The following DENND2D variants were observed in gnomAD, a reference collection of about 807,000 sequenced individuals.
DENND2D encodes the protein DENN domain containing 2D.
DENND2D carries 37 observed loss-of-function variants against 59.8 expected under a neutral mutation model. The observed-to-expected ratio is 0.62, with a 90% CI of 0.48 to 0.81. The LOEUF (loss-of-function observed/expected upper bound fraction) is 0.81, where lower values mean the gene tolerates loss of function less well. Ranked by LOEUF, DENND2D falls within the 40% of genes least tolerant of loss-of-function variation. The probability of loss-of-function intolerance (pLI) is 0.00; values close to 1 mark genes in which losing one functional copy is unlikely to be tolerated. For synonymous variants in DENND2D, 219 were observed against 211.3 expected (o/e 1.04, Z -0.31); for missense variants, 525 against 579.7 (o/e 0.91, Z 0.97).
At chr1:111,201,403 C>T (rs913259608), upstream of DENND2D, 2 of 152,216 alleles carry the variant, frequency 1.3e-5, no homozygotes, top group African/African-American at 2.4e-5. Flanking sequence ...ACTGATTGCA[C>T]CAGCAGCCTG....
chr1:111,200,739 G>A, upstream of DENND2D: 1 of 1,240,006 alleles, frequency 8.1e-7, no homozygotes, highest in Non-Finnish European at 1.0e-6. Flanking sequence ...AGAGCCCCAG[G>A]GTGTGGCGAG....
chr1:111,187,805 C>G (rs1241477970), intron 11 of DENND2D, 124 bp from the exon 12 acceptor site: 2 of 840,622 alleles, frequency 2.4e-6, no homozygotes, highest in East Asian at 2.6e-5. Flanking sequence ...CAGGATGTCT[C>G]TGGCCTCACA....
Position 111,200,280 on chromosome 1 carries a change from C to T in DENND2D, c.67+113G>A, listed in dbSNP as rs541574688. On this transcript the variant is annotated intron_variant, in intron 1 of 11. Transcript: ENST00000357640. ...CCTCCTGACCCAGTCACATGGGGAA[C>T]CATGTGGAGGCCGAGATATAAAGGA... The T allele has an allele frequency of 1.5e-5, 22 of 1,429,782 alleles. No homozygotes were observed. In the African/African-American group the frequency reaches 3.0e-4, roughly 19 times the overall value. 88.6% of individuals were successfully genotyped at this position (1,429,782 alleles called of 1,614,324 possible).
At chr1:111,197,690 CAGAG>C (rs1294942307) in intron 4 of DENND2D, 10 of 1,398,420 alleles carry the variant, frequency 7.2e-6, no homozygotes, top group Non-Finnish European at 9.3e-6. Context: ...TATTGAAAGC[CAGAG>C]AGAGCACAGA....
chr1:111,192,061 C>T (rs930014875), intron 8 of DENND2D, 79 bp downstream of exon 8: 5 of 1,333,730 alleles, frequency 3.7e-6, no homozygotes, highest in Admixed American at 5.4e-5. Flanking sequence ...CCTAATCACA[C>T]AGCTGTAAGC....
intron 6 of DENND2D, chr1:111,195,462 C>T (rs1276174775): frequency 5.9e-6 from 1 of 169,908 alleles, no homozygotes; most frequent in Admixed American, 5.6e-5. Flanking sequence ...TACCTGCTGC[C>T]TCAGTGTGCT....
chr1:111,189,067 C>T lies in DENND2D; in HGVS notation c.1014+145G>A, dbSNP rs985391460. On this transcript the variant is annotated intron_variant, in intron 9 of 11. Coordinates refer to ENST00000357640, the MANE Select transcript of DENND2D (RefSeq NM_024901.5). ...AGTCATCTGTGTTTATGTCCATGGG[C>T]TCCTTGAGAGAGATGTGGTCTTTTT... is the stretch of plus-strand genomic sequence containing the variant. 4 of 917,220 alleles carry T rather than the reference C, an allele frequency of 4.4e-6. No homozygotes were observed. The African/African-American group carries it at 5.0e-5, about 11-fold the overall frequency. The allele number at this position is 917,220 out of a possible 1,614,324, so 56.8% of individuals were successfully genotyped here.
upstream of DENND2D, chr1:111,204,217 C>A (rs1347123963): frequency 7.3e-7 from 1 of 1,377,838 alleles, no homozygotes; most frequent in South Asian, 1.6e-5. Flanking sequence ...CGCCCTCCAC[C>A]GGGCCCCAGC....
chr1:111,186,599 A>G lies in DENND2D; in HGVS notation c.*1006T>C, dbSNP rs1174722585. ...GTAGAAAGTATCAGTAGAGGTATCA[A>G]GGGAGGAGAGACTAGGTGACCACTA... is the stretch of plus-strand genomic sequence containing the variant. On this transcript the variant is annotated 3_prime_UTR_variant, in exon 12 of 12. Coordinates refer to ENST00000357640, the MANE Select transcript of DENND2D (RefSeq NM_024901.5). 6.6e-6 allele frequency among the ~76,000 whole-genome samples: 1 copy of G among 152,240 alleles called. No homozygotes were observed. Among genetic ancestry groups the G allele is most frequent in the East Asian group, 1.9e-4 (1 of 5,204 alleles).
At chr1:111,195,113 T>A (rs1185441240) in intron 6 of DENND2D, 1 of 188,936 alleles carries the variant, frequency 5.3e-6, no homozygotes, top group East Asian at 1.4e-4. Flanking sequence ...ATGTGATACT[T>A]TCCCATCTTC....
intron 2 of DENND2D, among the ~76,000 whole-genome samples, chr1:111,199,022 G>A (rs752873208): frequency 1.3e-5 from 2 of 152,222 alleles, no homozygotes; most frequent in Non-Finnish European, 2.9e-5. Context: ...AAGGGGACAG[G>A]GCCATGTTGA....
intron 6 of DENND2D, 124 bp downstream of exon 6, chr1:111,195,792 C>A: frequency 7.2e-7 from 1 of 1,393,588 alleles, no homozygotes; most frequent in South Asian, 1.2e-5. Context: ...TAACCAAGTC[C>A]CAGTCCCCAT....
intron 4 of DENND2D, chr1:111,197,483 C>T (rs1273247044): frequency 1.8e-5 from 25 of 1,412,968 alleles, no homozygotes; most frequent in African/African-American, 2.9e-5. Flanking sequence ...AATCTGGGGT[C>T]AGCAAAGAGG....
upstream of DENND2D, chr1:111,204,337 C>A: frequency 1.4e-6 from 2 of 1,480,060 alleles, no homozygotes; most frequent in African/African-American, 1.5e-5. Flanking sequence ...TCGAAGGCGG[C>A]GGCCGAGCCC....
chr1:111,200,478 G>C lies in DENND2D; in HGVS notation c.-19C>G, dbSNP rs774760840. Reference sequence around the variant, plus strand: ...CTTCCATCTCTGGGCCTTCAGGACAGAGCGGACTCCCCTCTCCCCTAACAC... The same window carrying C: ...CTTCCATCTCTGGGCCTTCAGGACACAGCGGACTCCCCTCTCCCCTAACAC... On this transcript the variant is annotated 5_prime_UTR_variant, in exon 1 of 12. Transcript: ENST00000357640. The C allele has an allele frequency of 3.7e-6, 6 of 1,601,246 alleles. No individual in the cohort carries two copies. Among genetic ancestry groups the C allele is most frequent in the South Asian group, 2.3e-5 (2 of 88,760 alleles).
At position 111,197,510 on chromosome 1, in the gene DENND2D, T is replaced by C. The variant is rs1658359335; in HGVS notation, c.427-257A>G. ...GCAAAGAGGGGTAGCAAGTGTGCCT[T>C]AGAGATGAAGAAATGGCTAAGGAGG... On this transcript the variant is annotated intron_variant, in intron 4 of 11. Coordinates refer to ENST00000357640, the MANE Select transcript of DENND2D (RefSeq NM_024901.5). The C allele has an allele frequency of 5.0e-6, 7 of 1,397,974 alleles. No individual in the cohort carries two copies. The South Asian group carries it at 7.9e-5, about 16-fold the overall frequency. 86.6% of individuals were successfully genotyped at this position (1,397,974 alleles called of 1,614,324 possible). A position where few individuals can be genotyped will look rare whatever the true frequency, so the allele number is the denominator to read the frequency against.
intron 4 of DENND2D, chr1:111,197,708 G>C (rs969971973): frequency 8.5e-6 from 12 of 1,419,540 alleles, no homozygotes; most frequent in Admixed American, 5.7e-5. Flanking sequence ...GCACAGACCA[G>C]AGCCTGACCA....
intron 8 of DENND2D, among the ~76,000 whole-genome samples, chr1:111,189,568 G>C (rs1428841285): frequency 6.6e-6 from 1 of 152,200 alleles, no homozygotes; most frequent in East Asian, 1.9e-4. Flanking sequence ...TGCAGAAATT[G>C]CTTCTACATG....
intron 4 of DENND2D, chr1:111,197,479 G>T: frequency 2.2e-6 from 3 of 1,388,048 alleles, no homozygotes; most frequent in Non-Finnish European, 2.8e-6. Context: ...GCACAATCTG[G>T]GGTCAGCAAA....
Sources: allele counts gnomAD v4.1 joint callset (sites outside exome capture counted in the v4.1 genomes callset), GRCh38; gene constraint gnomAD v4.1.1; transcripts MANE v1.5; gene names NCBI Gene and HGNC (gene_info 2026-07-23, HGNC 2026-07-21).